The following ARAP2 variants were observed in gnomAD, a reference collection of about 807,000 sequenced individuals.
The protein encoded by ARAP2 is ArfGAP with RhoGAP domain, ankyrin repeat and PH domain 2, also known as arf-GAP with Rho-GAP domain, ANK repeat and PH domain-containing protein 2.
In ARAP2, 148 loss-of-function variants were observed where a neutral mutation model predicts 194.5. The ratio of observed to expected loss-of-function variants is 0.76; its 90% CI spans 0.67 to 0.87. ARAP2 has a LOEUF of 0.87. Ranked by LOEUF, ARAP2 falls within the 40% of genes least tolerant of loss-of-function variation. ARAP2 has a pLI of 0.00. For synonymous variants in ARAP2, 695 were observed against 683.5 expected, an observed-to-expected ratio of 1.02 and a Z score of -0.26; for missense variants, 2,128 against 1,989.7, an observed-to-expected ratio of 1.07 and a Z score of -1.32.
chr4:36,210,375 T>C lies in ARAP2; in HGVS notation c.1487+15A>G. The C allele has an allele frequency of 6.4e-7, 1 of 1,553,996 alleles. No individual in the cohort carries two copies. Among genetic ancestry groups the C allele is most frequent in the Non-Finnish European group, 8.7e-7 (1 of 1,152,836 alleles). ...AAAAATATGCCACTTATGAAATAAATGCATACGTACATACCCTTGAGGAGA... is the reference window on the plus strand; with the variant it reads ...AAAAATATGCCACTTATGAAATAAACGCATACGTACATACCCTTGAGGAGA... On this transcript the variant is annotated intron_variant, in intron 6 of 32. Transcript: ENST00000303965.
At chr4:36,216,216 G>A (rs978217259) in intron 2 of ARAP2, among the ~76,000 whole-genome samples, 1 of 151,106 alleles carries the variant, frequency 6.6e-6, no homozygotes, top group East Asian at 2.0e-4. Flanking sequence ...TGACTGCATC[G>A]CTGCACTCCA....
intron 20 of ARAP2, among the ~76,000 whole-genome samples, chr4:36,131,772 A>G (rs1229157345): frequency 6.6e-6 from 1 of 151,800 alleles, no homozygotes; most frequent in Non-Finnish European, 1.5e-5. Flanking sequence ...TGCTCCTGCT[A>G]AAACATAACA....
At chr4:36,112,056 T>A (rs1376819275) in intron 26 of ARAP2, among the ~76,000 whole-genome samples, 1 of 151,994 alleles carries the variant, frequency 6.6e-6, no homozygotes, top group Admixed American at 6.6e-5. Flanking sequence ...TGGTTCCTAA[T>A]CTACAGGCAG....
chr4:36,059,889 G>C (rs565088542), intron 1 of ARAP2, among the ~76,000 whole-genome samples: 1 of 152,176 alleles, frequency 6.6e-6, no homozygotes, highest in Non-Finnish European at 1.5e-5. Flanking sequence ...AGCAGTTTTC[G>C]AAGAGTAATG....
At chr4:36,193,262 T>C (rs941979113) in intron 7 of ARAP2, among the ~76,000 whole-genome samples, 3 of 152,186 alleles carry the variant, frequency 2.0e-5, no homozygotes, top group African/African-American at 7.2e-5. Flanking sequence ...GCTAAATATC[T>C]ATTAGAGCCA....
At chr4:36,027,294 C>A (rs1289669377) in intron 5 of ARAP2, among the ~76,000 whole-genome samples, 3 of 152,016 alleles carry the variant, frequency 2.0e-5, no homozygotes, top group African/African-American at 7.2e-5. Context: ...CAAGGTCATG[C>A]AGCTGGTGAA....
In ARAP2 at chr4:36,117,043, T is replaced by C. The variant is rs778603950; in HGVS notation, c.4038+18A>G. ...GTGACTTCCAACAGTCCTCTTTACATCCACCTTTAGAACTTACCCGAATTA... is the reference window on the plus strand; with the variant it reads ...GTGACTTCCAACAGTCCTCTTTACACCCACCTTTAGAACTTACCCGAATTA... On this transcript the variant is annotated intron_variant, in intron 25 of 32. Transcript: ENST00000303965. 2 of 1,532,076 alleles carry C rather than the reference T, an allele frequency of 1.3e-6. No individual in the cohort carries two copies. The highest frequency in any genetic ancestry group is 1.8e-6 in the Non-Finnish European group (2 of 1,136,962). The allele number at this position is 1,532,076 out of a possible 1,614,324, so 94.9% of individuals were successfully genotyped here.
chr4:36,092,172 T>C (rs900716491), intron 27 of ARAP2, 152 bp from the exon 28 acceptor site: 10 of 862,852 alleles, frequency 1.2e-5, no homozygotes, highest in Non-Finnish European at 1.7e-5. Flanking sequence ...ACCATGTGTC[T>C]GAAGTATAGC....
chr4:36,114,106 T>C, intron 26 of ARAP2, 64 bp downstream of exon 26: 1 of 1,108,064 alleles, frequency 9.0e-7, no homozygotes, highest in Non-Finnish European at 1.3e-6. Flanking sequence ...TATAAAGTCT[T>C]GTCTTAAAGA....
intron 1 of ARAP2, among the ~76,000 whole-genome samples, chr4:36,241,670 C>A (rs552055824): frequency 2.0e-5 from 3 of 152,178 alleles, no homozygotes; most frequent in Admixed American, 2.0e-4. Context: ...ATACCAAAGA[C>A]ACCACAAAAA....
chr4:36,027,637 C>T (rs1054470802), intron 5 of ARAP2, among the ~76,000 whole-genome samples: 1 of 151,978 alleles, frequency 6.6e-6, no homozygotes, highest in African/African-American at 2.4e-5. Context: ...TATCATGTAT[C>T]TATTACTTAA....
rs1340963715 is a variant in ARAP2, at chr4:36,148,413, T to C, written c.2992A>G (p.Ile998Val). 20 of 1,611,868 alleles carry C rather than the reference T, an allele frequency of 1.2e-5. No homozygotes were observed. In the East Asian group the frequency reaches 3.8e-4, roughly 31 times the overall value. ...SQAQRKWTEA[I>V]AKHFVPLFAE... The stretch of plus-strand genomic sequence containing the variant: ...ACATAATATTTAAATACCTTGGCTA[T>C]TGCCTCTGTCCATTTTCTTTGAGCT... Residue 998 changes from isoleucine (I) to valine (V), a missense_variant, in exon 17 of 33, where the codon ATA becomes GTA. Physicochemically the swap from Ile to Val is conservative, Grantham distance 29. Transcript: ENST00000303965.
intron 24 of ARAP2, among the ~76,000 whole-genome samples, chr4:36,118,822 T>C (rs532307908): frequency 6.6e-5 from 10 of 151,622 alleles, no homozygotes; most frequent in African/African-American, 2.4e-4. Flanking sequence ...ATTAATATCA[T>C]AGTATTAGTA....
intron 8 of ARAP2, among the ~76,000 whole-genome samples, chr4:36,014,882 C>A (rs1437858733): frequency 6.6e-6 from 1 of 152,002 alleles, no homozygotes; most frequent in Non-Finnish European, 1.5e-5. Flanking sequence ...TGAAAGATTT[C>A]TTTGAAATAA....
At chr4:36,130,077 T>A (rs2109595400) in intron 20 of ARAP2, among the ~76,000 whole-genome samples, 1 of 152,072 alleles carries the variant, frequency 6.6e-6, no homozygotes, top group South Asian at 2.1e-4. Flanking sequence ...AGATTCTTCA[T>A]CATGATCTCA....
At chr4:36,159,306 G>A (rs1483779983) in intron 14 of ARAP2, 25 bp downstream of exon 14, 1 of 1,564,172 alleles carries the variant, frequency 6.4e-7, no homozygotes, top group African/African-American at 1.4e-5. Context: ...GAAGAGACCA[G>A]GTTAATGAAG....
At chr4:36,063,184 A>G (rs1724739822), downstream of ARAP2, among the ~76,000 whole-genome samples, 1 of 152,208 alleles carries the variant, frequency 6.6e-6, no homozygotes, top group Non-Finnish European at 1.5e-5. Context: ...AAAAGTATGT[A>G]AACAGCTATG....
At chr4:36,155,119 C>T (rs1454976730) in intron 15 of ARAP2, among the ~76,000 whole-genome samples, 2 of 152,096 alleles carry the variant, frequency 1.3e-5, no homozygotes, top group Non-Finnish European at 2.9e-5. Context: ...TAGTAACTTC[C>T]CTAAAAAATG....
intron 27 of ARAP2, among the ~76,000 whole-genome samples, chr4:36,104,901 C>A (rs964067130): frequency 2.0e-5 from 3 of 151,730 alleles, no homozygotes; most frequent in African/African-American, 7.3e-5. Flanking sequence ...CTATTTTTTT[C>A]ATGCAAAGTT....
Sources: gnomAD v4.1 joint callset for allele counts (sites outside exome capture counted in the v4.1 genomes callset) on GRCh38, gnomAD v4.1.1 for gene constraint, MANE v1.5 for transcripts, NCBI Gene and HGNC (gene_info 2026-07-23, HGNC 2026-07-21) for gene names.